The following CAST variants were observed in gnomAD, a reference collection of about 807,000 sequenced individuals.
CAST encodes MIR583 host.
CAST carries 76 observed loss-of-function variants against 119.6 expected under a neutral mutation model. The ratio of observed to expected loss-of-function variants is 0.64; its 90% CI spans 0.53 to 0.77. The LOEUF (loss-of-function observed/expected upper bound fraction) is 0.77. Among genes scored for constraint, CAST ranks in the 30% least tolerant of loss-of-function variants. The probability of loss-of-function intolerance (pLI) is 0.00; values close to 1 mark genes in which losing one functional copy is unlikely to be tolerated. For synonymous variants in CAST, 319 were observed against 331.6 expected, an observed-to-expected ratio of 0.96 and a Z score of 0.41; for missense variants, 953 against 946.5, an observed-to-expected ratio of 1.01 and a Z score of -0.09.
chr5:95,988,467 T>A, the CAST span, among the ~76,000 whole-genome samples: 1 of 152,188 alleles, frequency 6.6e-6, no homozygotes, highest in South Asian at 2.1e-4. Context: ...AATAAGTGTC[T>A]GTAACTGAGA....
chr5:96,009,678 A>G, the CAST span, among the ~76,000 whole-genome samples: 1 of 152,076 alleles, frequency 6.6e-6, no homozygotes, highest in Non-Finnish European at 1.5e-5. Flanking sequence ...AGTTCCTTAT[A>G]GATTCTGGAT....
At chr5:96,770,181 C>G (rs1385613153) in intron 29 of CAST, 1 of 237,446 alleles carries the variant, frequency 4.2e-6, no homozygotes, top group Non-Finnish European at 8.6e-6. Context: ...TACATCCCCA[C>G]TGACAGTGTA....
the CAST span, among the ~76,000 whole-genome samples, chr5:96,294,840 T>TA: frequency 1.3e-5 from 2 of 152,258 alleles, no homozygotes; most frequent in Non-Finnish European, 1.5e-5. Context: ...CACTTGATGT[T>TA]ATTTTCATCC....
the CAST span, among the ~76,000 whole-genome samples, chr5:96,357,778 G>A: frequency 2.0e-5 from 3 of 152,130 alleles, no homozygotes; most frequent in Non-Finnish European, 4.4e-5. Context: ...CAGGGATATT[G>A]GCCTAAAATT....
chr5:96,672,244 T>C (rs948580837), intron 1 of CAST, among the ~76,000 whole-genome samples: 1 of 152,100 alleles, frequency 6.6e-6, no homozygotes, highest in Non-Finnish European at 1.5e-5. Context: ...TCTCTCTCTC[T>C]CTCTTTCTGT....
the CAST span, among the ~76,000 whole-genome samples, chr5:96,299,449 G>A: frequency 6.6e-6 from 1 of 152,148 alleles, no homozygotes; most frequent in Non-Finnish European, 1.5e-5. Context: ...TGAAACGGCT[G>A]GGGGAGCAAA....
At chr5:96,298,568 G>T in the CAST span, among the ~76,000 whole-genome samples, 1 of 152,162 alleles carries the variant, frequency 6.6e-6, no homozygotes, top group Non-Finnish European at 1.5e-5. Context: ...CCTGGCAAAT[G>T]GGAAGTTTAG....
chr5:96,350,567 ATGTAGCTTTTT>A, the CAST span, among the ~76,000 whole-genome samples: 1 of 152,222 alleles, frequency 6.6e-6, no homozygotes, highest in African/African-American at 2.4e-5. Context: ...TAAGGGACAT[ATGTAGCTTTTT>A]TTTCTTTGTG....
chr5:96,069,177 A>T, the CAST span, among the ~76,000 whole-genome samples: 14 of 152,062 alleles, frequency 9.2e-5, no homozygotes, highest in Admixed American at 3.3e-4. Context: ...GTATGTATAT[A>T]TGTATACATA....
chr5:96,357,632 T>G, the CAST span, among the ~76,000 whole-genome samples: 1 of 152,178 alleles, frequency 6.6e-6, no homozygotes, highest in Non-Finnish European at 1.5e-5. Context: ...ATGGATTACA[T>G]GTATTGATTT....
At chr5:96,246,200 T>TTTTTTTTTTTTTTTA in the CAST span, among the ~76,000 whole-genome samples, 2 of 138,200 alleles carry the variant, frequency 1.4e-5, no homozygotes, top group African/African-American at 2.6e-5. Flanking sequence ...TTTTTTTTTT[T>TTTTTTTTTTTTTTTA]GAGACGGAGT....
chr5:95,964,779 CT>C, the CAST span, among the ~76,000 whole-genome samples: 1 of 152,148 alleles, frequency 6.6e-6, no homozygotes, highest in South Asian at 2.1e-4. Flanking sequence ...GGAATCAGCT[CT>C]TTAAATGTCC....
At chr5:96,288,840 C>T in the CAST span, among the ~76,000 whole-genome samples, 1 of 152,018 alleles carries the variant, frequency 6.6e-6, no homozygotes, top group Non-Finnish European at 1.5e-5. Context: ...CAAAGTTTTT[C>T]ATCTACATCT....
At chr5:95,975,375 A>T in the CAST span, among the ~76,000 whole-genome samples, 1 of 152,140 alleles carries the variant, frequency 6.6e-6, no homozygotes, top group Non-Finnish European at 1.5e-5. Context: ...CAGCCCTCAG[A>T]GGTTTTGATT....
chr5:96,714,595 A>G (rs1337308610), intron 3 of CAST: 1 of 152,232 alleles, frequency 6.6e-6, no homozygotes, highest in Non-Finnish European at 1.5e-5. Flanking sequence ...AGCAGAAAGT[A>G]GGCTGCATTT....
At chr5:96,414,054 G>A in the CAST span, among the ~76,000 whole-genome samples, 1 of 149,384 alleles carries the variant, frequency 6.7e-6, no homozygotes, top group South Asian at 2.1e-4. Context: ...CAGGAGAATG[G>A]CATGAACCCG....
chr5:96,465,384 C>T, the CAST span, among the ~76,000 whole-genome samples: 1 of 151,984 alleles, frequency 6.6e-6, no homozygotes, highest in Non-Finnish European at 1.5e-5. Flanking sequence ...TTTATTCTTA[C>T]ACCTTTTCTT....
chr5:96,242,496 C>G, the CAST span, among the ~76,000 whole-genome samples: 1 of 152,180 alleles, frequency 6.6e-6, no homozygotes, highest in African/African-American at 2.4e-5. Context: ...TGTGTTTGCT[C>G]TCTGCTGTCA....
chr5:96,652,876 T>C (rs1243353192), intron 1 of CAST, among the ~76,000 whole-genome samples: 1 of 152,204 alleles, frequency 6.6e-6, no homozygotes, highest in African/African-American at 2.4e-5. Context: ...ACGGGAACCA[T>C]AATCCCTTTC....
Sources: allele counts gnomAD v4.1 joint callset (sites outside exome capture counted in the v4.1 genomes callset), GRCh38; gene constraint gnomAD v4.1.1; transcripts MANE v1.5; gene names NCBI Gene and HGNC (gene_info 2026-07-23, HGNC 2026-07-21).